The following MTRFR variants were observed in gnomAD, a reference collection of about 807,000 sequenced individuals.
MTRFR encodes the protein probable peptide chain release factor C12orf65, mitochondrial.
In MTRFR, 10 loss-of-function variants were observed where a neutral mutation model predicts 11.9. That is an observed-to-expected ratio of 0.84 (90% confidence interval 0.52 to 1.42). The LOEUF (loss-of-function observed/expected upper bound fraction) is 1.42. Among genes scored for constraint, MTRFR ranks in the 40% most tolerant of loss-of-function variants. MTRFR has a pLI of 0.00. For synonymous variants in MTRFR, 77 were observed against 79.1 expected (o/e 0.97, Z 0.14); for missense variants, 196 against 197.9 (o/e 0.99, Z 0.06).
chr12:123,235,906 A>G (rs2047843434), intron 1 of MTRFR, among the ~76,000 whole-genome samples: 1 of 151,852 alleles, frequency 6.6e-6, no homozygotes, highest in Non-Finnish European at 1.5e-5. Flanking sequence ...TGGGCTAAGA[A>G]TACAAAAATT....
At chr12:123,252,517 A>C (rs1377072744) in intron 1 of MTRFR, 2 of 152,160 alleles carry the variant, frequency 1.3e-5, no homozygotes, top group Non-Finnish European at 2.9e-5. Flanking sequence ...TCCAGGGAAC[A>C]GATGTTCACA....
chr12:123,246,707 CAATTTTTTTTTTT>C (rs2048045552), intron 1 of MTRFR, among the ~76,000 whole-genome samples: 2 of 110,392 alleles, frequency 1.8e-5, no homozygotes, highest in Non-Finnish European at 3.3e-5. Context: ...GATATAATTT[CAATTTTTTTTTTT>C]TTTTTTTTTT....
intron 1 of MTRFR, among the ~76,000 whole-genome samples, chr12:123,244,165 G>A (rs1021880340): frequency 4.6e-5 from 7 of 152,168 alleles, no homozygotes; most frequent in Non-Finnish European, 1.0e-4. Flanking sequence ...GCGCGGTGTG[G>A]CTCACTCCTG....
intron 1 of MTRFR, chr12:123,251,366 CCT>C (rs918375247): frequency 2.0e-5 from 3 of 152,266 alleles, no homozygotes; most frequent in African/African-American, 7.2e-5. Flanking sequence ...GGCTTCTCAC[CCT>C]GTTTAAATTG....
rs2048146313 is a variant in MTRFR, at chr12:123,253,822, C to T, written c.148C>T (p.Pro50Ser). Residue 50 changes from proline (P) to serine (S), a missense_variant, in exon 2 of 3, where the codon CCT becomes TCT. Coordinates refer to ENST00000253233, the MANE Select transcript of MTRFR (RefSeq NM_152269.5). ...CCAGATGGCAGGCAAGAAGGACTAC[C>T]CTGCACTGCTTTCCTTGGATGAGAA... ...PVQMAGKKDY[P>S]ALLSLDENEL... 6.2e-7 allele frequency: 1 copy of T among 1,614,060 alleles called. No homozygotes were observed. Among genetic ancestry groups the T allele is most frequent in the African/African-American group, 1.3e-5 (1 of 74,916 alleles).
intron 2 of MTRFR, chr12:123,254,313 A>C (rs1460648520): frequency 1.1e-5 from 3 of 266,966 alleles, no homozygotes; most frequent in Non-Finnish European, 2.2e-5. Context: ...CCCGGGCAGC[A>C]TGGTTCTTTC....
At chr12:123,254,277 T>C in intron 2 of MTRFR, 1 of 329,434 alleles carries the variant, frequency 3.0e-6, no homozygotes, top group South Asian at 3.9e-5. Flanking sequence ...TTGACAAAGC[T>C]AAGCAGTGGC....
At chr12:123,239,776 T>C (rs1330094943) in intron 1 of MTRFR, among the ~76,000 whole-genome samples, 2 of 152,150 alleles carry the variant, frequency 1.3e-5, no homozygotes, top group African/African-American at 2.4e-5. Context: ...TTTATTTTTT[T>C]TTCCCCCAGA....
At chr12:123,245,093 C>T (rs539926975) in intron 1 of MTRFR, among the ~76,000 whole-genome samples, 58 of 151,884 alleles carry the variant, frequency 3.8e-4, no homozygotes, top group African/African-American at 1.3e-3. Context: ...GGATTACATG[C>T]GCCCACCACT....
At chr12:123,246,850 C>G (rs2048050211) in intron 1 of MTRFR, among the ~76,000 whole-genome samples, 1 of 151,004 alleles carries the variant, frequency 6.6e-6, no homozygotes, top group African/African-American at 2.4e-5. Flanking sequence ...CCTGCCTCAG[C>G]CTCCCCAGGA....
intron 1 of MTRFR, among the ~76,000 whole-genome samples, chr12:123,239,567 T>C (rs2047898768): frequency 6.6e-6 from 1 of 152,040 alleles, no homozygotes; most frequent in Non-Finnish European, 1.5e-5. Flanking sequence ...CATGCCCAGC[T>C]AATTTTTTGT....
At chr12:123,232,949 A>G (rs1451454204), upstream of MTRFR, 2 of 152,424 alleles carry the variant, frequency 1.3e-5, no homozygotes, top group Non-Finnish European at 2.9e-5. Context: ...GGTCAGGCCA[A>G]TCGGCAGCCG....
At chr12:123,256,709 A>C in intron 2 of MTRFR, 104 bp from the exon 3 acceptor site, 1 of 891,390 alleles carries the variant, frequency 1.1e-6, no homozygotes, top group Non-Finnish European at 1.8e-6. Context: ...TAAATAAATA[A>C]ATAGTAAATA....
At chr12:123,254,010 C>T in intron 2 of MTRFR, 54 bp downstream of exon 2, 2 of 1,599,614 alleles carry the variant, frequency 1.3e-6, no homozygotes, top group Middle Eastern at 3.3e-4. Flanking sequence ...GTTCCACAGC[C>T]TCCAGAGATT....
At chr12:123,254,432 C>G (rs2048158936) in intron 2 of MTRFR, 3 of 187,144 alleles carry the variant, frequency 1.6e-5, no homozygotes, top group Admixed American at 1.6e-4. Flanking sequence ...GCAGTCCCAG[C>G]CCTTAACTGT....
At chr12:123,254,012 C>T in intron 2 of MTRFR, 56 bp downstream of exon 2, 2 of 1,598,300 alleles carry the variant, frequency 1.3e-6, no homozygotes, top group Non-Finnish European at 1.7e-6. Flanking sequence ...TCCACAGCCT[C>T]CAGAGATTTC....
chr12:123,257,806 G>A lies in MTRFR; in HGVS notation c.*775G>A, dbSNP rs2048199697. 1.3e-5 allele frequency: 2 copies of A among 152,254 alleles called. No homozygotes were observed. The highest frequency in any genetic ancestry group is 4.1e-4 in the South Asian group (2 of 4,832). 9.4% of individuals were successfully genotyped at this position (152,254 alleles called of 1,614,324 possible). Reference sequence around the variant, plus strand: ...GTCATTGTGATGAGGCACTTGGAGGGGTTCTGGGGTGCCTGACAAAGTTCT... The same window carrying A: ...GTCATTGTGATGAGGCACTTGGAGGAGTTCTGGGGTGCCTGACAAAGTTCT... On this transcript the variant is annotated 3_prime_UTR_variant, in exon 3 of 3. Transcript: ENST00000253233.
chr12:123,240,805 C>T (rs2047922965), intron 1 of MTRFR: 1 of 145,082 alleles, frequency 6.9e-6, no homozygotes, highest in South Asian at 2.1e-4. Context: ...GTGATCTTGG[C>T]TCACCACAAC....
intron 1 of MTRFR, among the ~76,000 whole-genome samples, chr12:123,246,446 G>T (rs1159110614): frequency 1.3e-5 from 2 of 151,666 alleles, no homozygotes; most frequent in Non-Finnish European, 2.9e-5. Context: ...TGTTTGTGGG[G>T]TTTTTTTGGT....
Sources: gnomAD v4.1 joint callset for allele counts (sites outside exome capture counted in the v4.1 genomes callset) on GRCh38, gnomAD v4.1.1 for gene constraint, MANE v1.5 for transcripts, NCBI Gene and HGNC (gene_info 2026-07-23, HGNC 2026-07-21) for gene names.